The following PPP3CA variants were observed in gnomAD, a reference collection of about 807,000 sequenced individuals.
PPP3CA encodes CAM-PRP catalytic subunit.
Under a neutral mutation model 66.5 loss-of-function variants are expected in PPP3CA, and 14 were observed. The observed-to-expected ratio is 0.21, with a 90% confidence interval of 0.14 to 0.33. The LOEUF (loss-of-function observed/expected upper bound fraction) is 0.33, where lower values mean the gene tolerates loss of function less well. Among genes scored for constraint, PPP3CA ranks in the 10% least tolerant of loss-of-function variants. PPP3CA has a pLI of 1.00. For missense variants in PPP3CA, 317 were observed against 639.5 expected (o/e 0.50, Z 5.44); for synonymous variants, 232 against 226.2 (o/e 1.03, Z -0.23).
In PPP3CA at chr4:101,087,237, TGGGGATCAAGTCCTAA is replaced by T. The variant is rs558215105; in HGVS notation, c.783-3990_783-3975del. On this transcript the variant is annotated intron_variant, in intron 6 of 13. Transcript: ENST00000394854. ...TTGATCTAATTTCATTTTTGTCCAATGGGGATCAAGTCCTAAGGGGCCAACTCTTCCTGACAGAACT... is the reference window on the plus strand; with the variant it reads ...TTGATCTAATTTCATTTTTGTCCAATGGGGCCAACTCTTCCTGACAGAACT... Among the ~76,000 whole-genome samples, 415 of 152,296 alleles carry T rather than the reference TGGGGATCAAGTCCTAA, an allele frequency of 2.7e-3. 2 individuals carry two copies. Among genetic ancestry groups the T allele is most frequent in the African/African-American group, 9.4e-3 (392 of 41,554 alleles).
intron 7 of PPP3CA, among the ~76,000 whole-genome samples, chr4:101,081,541 A>C (rs1427667070): frequency 6.6e-6 from 1 of 152,208 alleles, no homozygotes; most frequent in South Asian, 2.1e-4. Context: ...ACTTCTGTGT[A>C]ATCAATTTTA....
chr4:101,206,512 GA>G (rs1725134860), intron 1 of PPP3CA, among the ~76,000 whole-genome samples: 2 of 152,144 alleles, frequency 1.3e-5, no homozygotes, highest in Non-Finnish European at 2.9e-5. Context: ...GTGCATAAAA[GA>G]AACTTTCAAG....
At chr4:101,214,494 A>G (rs1725399365) in intron 1 of PPP3CA, among the ~76,000 whole-genome samples, 1 of 152,130 alleles carries the variant, frequency 6.6e-6, no homozygotes, top group Non-Finnish European at 1.5e-5. Flanking sequence ...ACCAGAAAAA[A>G]GATCAAGACT....
intron 2 of PPP3CA, among the ~76,000 whole-genome samples, chr4:101,171,972 G>C (rs535683913): frequency 1.3e-5 from 2 of 152,276 alleles, no homozygotes; most frequent in South Asian, 2.1e-4. Context: ...TTCAATGAAT[G>C]AATGATAGTC....
intron 1 of PPP3CA, among the ~76,000 whole-genome samples, chr4:101,302,048 A>G (rs1728395586): frequency 6.6e-6 from 1 of 152,172 alleles, no homozygotes; most frequent in Non-Finnish European, 1.5e-5. Flanking sequence ...ACTTTTTTAG[A>G]TACTAGTTTT....
At chr4:101,042,803 CTTTTTTT>C (rs534973228) in intron 10 of PPP3CA, among the ~76,000 whole-genome samples, 9,943 of 117,672 alleles carry the variant, frequency 0.084, 1,126 homozygotes, top group African/African-American at 0.27. Context: ...AAGACTTTTT[CTTTTTTT>C]TTTTTTTTTT....
At chr4:101,164,514 C>A (rs1723625125) in intron 2 of PPP3CA, among the ~76,000 whole-genome samples, 1 of 151,102 alleles carries the variant, frequency 6.6e-6, no homozygotes, top group Non-Finnish European at 1.5e-5. Flanking sequence ...CCTATAAGGT[C>A]CTATCAGTTC....
chr4:101,299,111 T>G (rs928950151), intron 1 of PPP3CA, among the ~76,000 whole-genome samples: 3 of 89,876 alleles, frequency 3.3e-5, no homozygotes, highest in Non-Finnish European at 6.2e-5. Flanking sequence ...ATATCGTTTT[T>G]TTTTTTTTTT....
At chr4:101,162,859 T>C (rs1320360138) in intron 2 of PPP3CA, among the ~76,000 whole-genome samples, 1 of 152,164 alleles carries the variant, frequency 6.6e-6, no homozygotes, top group Non-Finnish European at 1.5e-5. Flanking sequence ...AAACCTTAAT[T>C]GTCAGTCAGC....
chr4:101,098,653 T>C, intron 4 of PPP3CA, 141 bp from the exon 5 acceptor site: 1 of 668,398 alleles, frequency 1.5e-6, no homozygotes, highest in Non-Finnish European at 2.4e-6. Flanking sequence ...CAAAACATAA[T>C]TAAGATTTTC....
At chr4:101,083,992 A>T (rs1729551933) in intron 6 of PPP3CA, among the ~76,000 whole-genome samples, 1 of 152,236 alleles carries the variant, frequency 6.6e-6, no homozygotes, top group Admixed American at 6.5e-5. Flanking sequence ...TAAGAGTCTC[A>T]AACTCAAATA....
At chr4:101,338,125 C>T (rs2110339651) in intron 1 of PPP3CA, among the ~76,000 whole-genome samples, 1 of 152,264 alleles carries the variant, frequency 6.6e-6, no homozygotes, top group East Asian at 1.9e-4. Flanking sequence ...ACCTGTCTTC[C>T]TGAGAAAGAA....
intron 1 of PPP3CA, among the ~76,000 whole-genome samples, chr4:101,206,019 C>T (rs367909998): frequency 2.0e-5 from 3 of 152,312 alleles, no homozygotes; most frequent in South Asian, 2.1e-4. Context: ...ATGCCCTACT[C>T]GGGTAGGCTC....
At chr4:101,067,803 C>CT (rs1219465601) in intron 8 of PPP3CA, among the ~76,000 whole-genome samples, 1 of 142,716 alleles carries the variant, frequency 7.0e-6, no homozygotes, top group African/African-American at 2.7e-5. Flanking sequence ...TACCCTAAAA[C>CT]TTAAAGTATA....
chr4:101,067,220 T>C (rs1485508620), intron 8 of PPP3CA, among the ~76,000 whole-genome samples: 1 of 152,154 alleles, frequency 6.6e-6, no homozygotes, highest in Non-Finnish European at 1.5e-5. Context: ...CAGTCCTTTT[T>C]CTGATGTCAA....
intron 11 of PPP3CA, among the ~76,000 whole-genome samples, chr4:101,039,699 A>C (rs1727417267): frequency 6.9e-6 from 1 of 144,338 alleles, no homozygotes; most frequent in African/African-American, 2.5e-5. Context: ...CAAAAGAGCC[A>C]GTGTCGATAC....
At chr4:101,155,825 C>T (rs2063058) in intron 2 of PPP3CA, among the ~76,000 whole-genome samples, 78,085 of 152,042 alleles carry the variant, frequency 0.51, 21,628 homozygotes, top group African/African-American at 0.71. Context: ...TCTTTTAACT[C>T]GAAATGTGTT....
intron 1 of PPP3CA, among the ~76,000 whole-genome samples, chr4:101,245,002 T>C (rs1035902472): frequency 6.6e-6 from 1 of 152,182 alleles, no homozygotes; most frequent in African/African-American, 2.4e-5. Flanking sequence ...AATTGGGCTA[T>C]CATAAACACC....
Position 101,080,614 on chromosome 4 carries a change from G to GT in PPP3CA, c.872dup (p.Tyr291Ter), listed in dbSNP as rs1259403610. 6.6e-7 allele frequency: 1 copy of GT among 1,512,400 alleles called. No homozygotes were observed. The highest frequency in any genetic ancestry group is 1.8e-5 in the Admixed American group (1 of 55,940). The allele number at this position is 1,512,400 out of a possible 1,614,324, so 93.7% of individuals were successfully genotyped here. A position where few individuals can be genotyped will look rare whatever the true frequency, so the allele number is the denominator to read the frequency against. ...GGAAGCCTGTTGTTTGGCTTTTCCT[G>GT]TACATGCGGTACCTAAAAAGAACAA... The part of the protein sequence containing the change: ...HEAQDAGYRM[Y>*]RKSQTTGFPS... The change falls in exon 8 of 14, where the codon TAC becomes TAAC. Residue 291 changes from tyrosine to a stop codon, truncating the protein, a stop_gained and frameshift_variant. Coordinates refer to ENST00000394854, the MANE Select transcript of PPP3CA (RefSeq NM_000944.5). LOFTEE classifies it high-confidence loss of function.
Sources: gnomAD v4.1 joint callset for allele counts (sites outside exome capture counted in the v4.1 genomes callset) on GRCh38, gnomAD v4.1.1 for gene constraint, MANE v1.5 for transcripts, NCBI Gene and HGNC (gene_info 2026-07-23, HGNC 2026-07-21) for gene names.